The following LRRTM4 variants were observed in gnomAD, a reference collection of about 807,000 sequenced individuals.
LRRTM4 encodes leucine-rich repeat transmembrane neuronal protein 4.
Under a neutral mutation model 47.6 loss-of-function variants are expected in LRRTM4, and 25 were observed. The observed-to-expected ratio is 0.53, with a 90% CI of 0.38 to 0.73. LRRTM4 has a LOEUF of 0.73. LRRTM4 is among the 30% of genes least tolerant of loss of function. The probability of loss-of-function intolerance (pLI) is 0.00; values close to 1 mark genes in which losing one functional copy is unlikely to be tolerated. For missense variants in LRRTM4, 638 were observed against 713.4 expected (o/e 0.89, Z 1.20); for synonymous variants, 311 against 269.5 (o/e 1.15, Z -1.51).
intron 3 of LRRTM4, among the ~76,000 whole-genome samples, chr2:77,059,018 G>A (rs968248932): frequency 1.3e-5 from 2 of 151,868 alleles, no homozygotes; most frequent in Non-Finnish European, 2.9e-5. Flanking sequence ...TTCATGACTT[G>A]GGCCAGTCAA....
At chr2:77,247,199 T>C (rs1675471199) in intron 3 of LRRTM4, among the ~76,000 whole-genome samples, 1 of 152,012 alleles carries the variant, frequency 6.6e-6, no homozygotes, top group Non-Finnish European at 1.5e-5. Flanking sequence ...CACTTGACAA[T>C]ACACCAGTCA....
intron 3 of LRRTM4, among the ~76,000 whole-genome samples, chr2:77,488,121 C>T (rs751121763): frequency 6.6e-6 from 1 of 152,162 alleles, no homozygotes; most frequent in Non-Finnish European, 1.5e-5. Context: ...AGCTGCAGCT[C>T]TTTGGGGATC....
rs535215656 is a variant in LRRTM4, at chr2:76,794,579, T to C, written c.1552-45663A>G. On this transcript the variant is annotated intron_variant, in intron 3 of 3. Coordinates refer to ENST00000409884, the MANE Select transcript of LRRTM4 (RefSeq NM_001134745.3). Reference sequence around the variant, plus strand: ...ATTAATTCTATATGCTTTTTATTGATTTTACTAACCAGGCACCTATACCAT... The same window carrying C: ...ATTAATTCTATATGCTTTTTATTGACTTTACTAACCAGGCACCTATACCAT... Among the ~76,000 whole-genome samples the C allele has an allele frequency of 3.3e-5, 5 of 152,218 alleles. No homozygotes were observed. The South Asian group carries it at 1.0e-3, about 32-fold the overall frequency.
intron 3 of LRRTM4, among the ~76,000 whole-genome samples, chr2:77,324,234 C>G (rs904523190): frequency 6.6e-6 from 1 of 152,056 alleles, no homozygotes; most frequent in African/African-American, 2.4e-5. Context: ...AAGAGCTTAG[C>G]TTGTGTTGAG....
intron 3 of LRRTM4, among the ~76,000 whole-genome samples, chr2:76,794,620 ATTTTATCTGTTTTCCTAGTATTTACATTT>A (rs923384575): frequency 2.6e-5 from 4 of 152,198 alleles, no homozygotes; most frequent in African/African-American, 9.6e-5. Context: ...AAAAGCAATA[ATTTTATCTGTTTTCCTAGTATTTACATTT>A]TTTTGTTTAT....
intron 3 of LRRTM4, among the ~76,000 whole-genome samples, chr2:77,445,490 C>T (rs1373798009): frequency 6.6e-6 from 1 of 151,824 alleles, no homozygotes; most frequent in African/African-American, 2.4e-5. Context: ...TGATTTCTTC[C>T]TCCTTTTTCC....
chr2:77,236,868 G>A (rs1252707580), intron 3 of LRRTM4, among the ~76,000 whole-genome samples: 1 of 152,020 alleles, frequency 6.6e-6, no homozygotes, highest in Non-Finnish European at 1.5e-5. Context: ...CATGTACTAA[G>A]TCTACTAGAT....
chr2:77,369,875 T>C (rs1455575077), intron 3 of LRRTM4, among the ~76,000 whole-genome samples: 1 of 151,658 alleles, frequency 6.6e-6, no homozygotes, highest in Non-Finnish European at 1.5e-5. Flanking sequence ...TATCTAAACA[T>C]AGAAAAGGTA....
chr2:76,785,653 A>G (rs780837665), intron 3 of LRRTM4, among the ~76,000 whole-genome samples: 3 of 152,142 alleles, frequency 2.0e-5, no homozygotes, highest in Admixed American at 6.5e-5. Context: ...GCTAGATAGT[A>G]TATGTTAAGA....
At chr2:77,308,234 C>G (rs1029808497) in intron 3 of LRRTM4, among the ~76,000 whole-genome samples, 13 of 150,710 alleles carry the variant, frequency 8.6e-5, no homozygotes, top group Non-Finnish European at 1.5e-4. Flanking sequence ...AGGGATTTAT[C>G]GTTAATAAAA....
chr2:77,315,310 C>T (rs1277332593), intron 3 of LRRTM4, among the ~76,000 whole-genome samples: 1 of 152,072 alleles, frequency 6.6e-6, no homozygotes, highest in Admixed American at 6.6e-5. Context: ...TTTAGGATGA[C>T]ATTGTAGAAG....
In LRRTM4 at chr2:77,068,422, C is replaced by G. The variant is rs75305978; in HGVS notation, c.1552-319506G>C. Among the ~76,000 whole-genome samples, 681 of 152,260 alleles carry G rather than the reference C, an allele frequency of 4.5e-3. 5 individuals are homozygous for G. The highest frequency in any genetic ancestry group is 0.016 in the African/African-American group (648 of 41,546). On this transcript the variant is annotated intron_variant, in intron 3 of 3. Transcript: ENST00000409884. ...CTAATTTTGGACCATTTCCTACACT[C>G]TAAAATGAAACCTAGAAACTGCTAG...
chr2:77,392,241 C>T (rs768788212), intron 3 of LRRTM4, among the ~76,000 whole-genome samples: 1 of 151,954 alleles, frequency 6.6e-6, no homozygotes, highest in Non-Finnish European at 1.5e-5. Context: ...CAACCAATTG[C>T]CAATAAGAAA....
At chr2:76,875,532 A>G (rs1469343068) in intron 3 of LRRTM4, among the ~76,000 whole-genome samples, 1 of 152,180 alleles carries the variant, frequency 6.6e-6, no homozygotes, top group Admixed American at 6.5e-5. Context: ...ACATCAGTTA[A>G]GTAATTAAGA....
At chr2:77,049,305 T>C (rs1679348638) in intron 3 of LRRTM4, among the ~76,000 whole-genome samples, 1 of 151,300 alleles carries the variant, frequency 6.6e-6, no homozygotes, top group Non-Finnish European at 1.5e-5. Context: ...TTTTCCTTTT[T>C]CTTTTCTTTT....
At chr2:77,504,166 G>T (rs1370398573) in intron 3 of LRRTM4, among the ~76,000 whole-genome samples, 14 of 151,508 alleles carry the variant, frequency 9.2e-5, no homozygotes, top group Non-Finnish European at 1.9e-4. Flanking sequence ...TATAGATTCA[G>T]GTCAGCAAAC....
chr2:77,136,124 G>A (rs902886058), intron 3 of LRRTM4, among the ~76,000 whole-genome samples: 2 of 152,100 alleles, frequency 1.3e-5, no homozygotes, highest in African/African-American at 4.8e-5. Flanking sequence ...GCTTTGAAGA[G>A]AGTAGTGGTT....
At chr2:76,759,850 C>A (rs1673187703) in intron 3 of LRRTM4, among the ~76,000 whole-genome samples, 2 of 152,052 alleles carry the variant, frequency 1.3e-5, no homozygotes, top group Non-Finnish European at 2.9e-5. Flanking sequence ...TAAAATGTCA[C>A]CCCACGCTGA....
intron 3 of LRRTM4, among the ~76,000 whole-genome samples, chr2:77,384,581 A>G (rs1177933280): frequency 1.3e-5 from 2 of 152,048 alleles, no homozygotes; most frequent in Non-Finnish European, 2.9e-5. Context: ...TGACCAAAAT[A>G]AAATGAAAAA....
Sources: gnomAD v4.1 joint callset for allele counts (sites outside exome capture counted in the v4.1 genomes callset) on GRCh38, gnomAD v4.1.1 for gene constraint, MANE v1.5 for transcripts, NCBI Gene and HGNC (gene_info 2026-07-23, HGNC 2026-07-21) for gene names.